BCL2: variants seen among roughly 807,000 people sequenced by gnomAD.
BCL2 encodes the protein BCL2 apoptosis regulator.
A neutral mutation model predicts 14.2 loss-of-function variants in BCL2; 1 was observed. The observed-to-expected ratio is 0.07, with a 90% CI of 0.02 to 0.33. The LOEUF (loss-of-function observed/expected upper bound fraction) is 0.33, where lower values mean the gene tolerates loss of function less well. Among genes scored for constraint, BCL2 ranks in the 10% least tolerant of loss-of-function variants. The probability of loss-of-function intolerance (pLI) is 0.99; values close to 1 mark genes in which losing one functional copy is unlikely to be tolerated. For synonymous variants in BCL2, 151 were observed against 137.2 expected (o/e 1.10, Z -0.70); for missense variants, 247 against 305.9 (o/e 0.81, Z 1.44).
At chr18:63,252,453 T>C (rs1911344999) in intron 2 of BCL2, among the ~76,000 whole-genome samples, 1 of 152,230 alleles carries the variant, frequency 6.6e-6, no homozygotes, top group Non-Finnish European at 1.5e-5. Context: ...CCAAATCTCA[T>C]CTTGAGTTGT....
intron 2 of BCL2, among the ~76,000 whole-genome samples, chr18:63,135,468 G>C (rs142692573): frequency 6.6e-6 from 1 of 152,142 alleles, no homozygotes; most frequent in African/African-American, 2.4e-5. Context: ...TGTTCCTTTT[G>C]ATGACTGTTC....
At chr18:63,313,882 T>C (rs2144311931) in intron 2 of BCL2, 1 of 152,304 alleles carries the variant, frequency 6.6e-6, no homozygotes, top group South Asian at 2.1e-4. Context: ...ATTTAAGTAA[T>C]CTGAAATGTA....
chr18:63,218,783 A>C (rs1910297077), intron 2 of BCL2, among the ~76,000 whole-genome samples: 27 of 38,436 alleles, frequency 7.0e-4, no homozygotes, highest in South Asian at 7.9e-4. Context: ...CCCATCCTCC[A>C]CTCATCCCCA....
chr18:63,248,471 T>G (rs1193192310), intron 2 of BCL2, among the ~76,000 whole-genome samples: 1 of 151,106 alleles, frequency 6.6e-6, no homozygotes, highest in Non-Finnish European at 1.5e-5. Flanking sequence ...CAAATAACTA[T>G]GTACTCAAAA....
Position 63,128,689 on chromosome 18 carries a change from G to C in BCL2, c.656C>G (p.Thr219Ser). ...LFDFSWLSLK[T>S]LLSLALVGAC... ...TCCCACCAGGGCCAAACTGAGCAGA[G>C]TCTTCAGAGACAGCCAGGAGAAATC... is the stretch of plus-strand genomic sequence containing the variant. The change falls in exon 3 of 3, where the codon ACT (threonine) becomes AGT (serine). Residue 219 changes from threonine to serine, a missense_variant. By Grantham distance (58) the Thr-to-Ser change is moderately conservative. This residue lies in a region of BCL2 where 36 missense variants were observed against 24.9 expected (regional missense o/e 1.45). Coordinates refer to ENST00000333681, the MANE Select transcript of BCL2 (RefSeq NM_000633.3). The C allele has an allele frequency of 1.3e-6, 1 of 781,104 alleles. No individual in the cohort carries two copies. Among genetic ancestry groups the C allele is most frequent in the Non-Finnish European group, 2.4e-6 (1 of 418,134 alleles). The allele number at this position is 781,104 out of a possible 1,614,324, so 48.4% of individuals were successfully genotyped here. A position where few individuals can be genotyped will look rare whatever the true frequency, so the allele number is the denominator to read the frequency against.
intron 2 of BCL2, among the ~76,000 whole-genome samples, chr18:63,269,744 T>C (rs1398293493): frequency 1.3e-5 from 2 of 152,208 alleles, no homozygotes; most frequent in African/African-American, 2.4e-5. Context: ...TAGTTTGAAA[T>C]GTATTATTTT....
chr18:63,191,548 A>G (rs1909292480), intron 2 of BCL2, among the ~76,000 whole-genome samples: 1 of 152,260 alleles, frequency 6.6e-6, no homozygotes. Flanking sequence ...CTCATATGAA[A>G]AAACACTTTG....
chr18:63,265,986 T>C (rs774499242), intron 2 of BCL2, among the ~76,000 whole-genome samples: 21 of 152,152 alleles, frequency 1.4e-4, no homozygotes, highest in Non-Finnish European at 2.4e-4. Context: ...AATGAGTACA[T>C]CCGTTATGAG....
At chr18:63,201,084 G>C (rs1909676283) in intron 2 of BCL2, among the ~76,000 whole-genome samples, 2 of 152,210 alleles carry the variant, frequency 1.3e-5, no homozygotes, top group South Asian at 2.1e-4. Context: ...GTGACAGGCT[G>C]GGGGGTCCAC....
At chr18:63,170,376 T>C (rs1453333894) in intron 2 of BCL2, among the ~76,000 whole-genome samples, 1 of 152,174 alleles carries the variant, frequency 6.6e-6, no homozygotes, top group African/African-American at 2.4e-5. Flanking sequence ...TGGTGCCTTG[T>C]GCATAGTCAG....
At chr18:63,200,804 A>G (rs1189845188) in intron 2 of BCL2, among the ~76,000 whole-genome samples, 2 of 152,070 alleles carry the variant, frequency 1.3e-5, no homozygotes, top group African/African-American at 4.8e-5. Context: ...TAATATTTTT[A>G]TAGAGATGGG....
intron 2 of BCL2, among the ~76,000 whole-genome samples, chr18:63,207,234 G>A (rs1272613373): frequency 1.3e-5 from 2 of 152,212 alleles, no homozygotes; most frequent in Admixed American, 6.5e-5. Context: ...CCGGCAGAGC[G>A]AGCCTTGGTC....
chr18:63,269,850 T>C (rs544282658), intron 2 of BCL2, among the ~76,000 whole-genome samples: 1 of 152,170 alleles, frequency 6.6e-6, no homozygotes, highest in African/African-American at 2.4e-5. Flanking sequence ...TGCAGCATAT[T>C]TACTGTTAAT....
At chr18:63,250,055 T>C (rs868251978) in intron 2 of BCL2, among the ~76,000 whole-genome samples, 1 of 152,158 alleles carries the variant, frequency 6.6e-6, no homozygotes, top group Non-Finnish European at 1.5e-5. Context: ...AGTAAGCAAG[T>C]AGCTGTGCCA....
At chr18:63,258,739 A>C (rs1911560994) in intron 2 of BCL2, among the ~76,000 whole-genome samples, 1 of 152,232 alleles carries the variant, frequency 6.6e-6, no homozygotes, top group South Asian at 2.1e-4. Context: ...AAAGTAGCCT[A>C]AATGTCTTGG....
intron 2 of BCL2, among the ~76,000 whole-genome samples, chr18:63,163,889 G>T (rs1304183819): frequency 6.6e-6 from 1 of 152,242 alleles, no homozygotes; most frequent in Non-Finnish European, 1.5e-5. Flanking sequence ...ACTCTTCAGA[G>T]TCTGTGCTCT....
intron 2 of BCL2, among the ~76,000 whole-genome samples, chr18:63,309,748 C>A (rs1399608551): frequency 6.6e-6 from 1 of 152,200 alleles, no homozygotes; most frequent in Non-Finnish European, 1.5e-5. Context: ...AGGGGATTGG[C>A]TCTAGGAACC....
chr18:63,129,868 A>T (rs898878839), intron 2 of BCL2, among the ~76,000 whole-genome samples: 6 of 152,096 alleles, frequency 3.9e-5, no homozygotes, highest in African/African-American at 1.4e-4. Context: ...GGGAGCTGTC[A>T]GGGGGTTTCT....
intron 2 of BCL2, among the ~76,000 whole-genome samples, chr18:63,255,060 A>C (rs914054324): frequency 1.3e-5 from 2 of 152,188 alleles, no homozygotes; most frequent in Non-Finnish European, 2.9e-5. Context: ...TTTGATTCCG[A>C]TGAAGGGCAT....
Sources: allele counts gnomAD v4.1 joint callset (sites outside exome capture counted in the v4.1 genomes callset), GRCh38; gene constraint gnomAD v4.1.1; regional missense constraint gnomAD v4.1.1; transcripts MANE v1.5; gene names NCBI Gene and HGNC (gene_info 2026-07-23, HGNC 2026-07-21).